MYO16: variants seen among roughly 807,000 people sequenced by gnomAD.
MYO16 encodes unconventional myosin-XVI.
A neutral mutation model predicts 205.3 loss-of-function variants in MYO16; 94 were observed. The ratio of observed to expected loss-of-function variants is 0.46; its 90% CI spans 0.39 to 0.54. The LOEUF (loss-of-function observed/expected upper bound fraction) is 0.54. Among genes scored for constraint, MYO16 ranks in the 20% least tolerant of loss-of-function variants. The probability of loss-of-function intolerance (pLI) is 0.00; values close to 1 mark genes in which losing one functional copy is unlikely to be tolerated. For synonymous variants in MYO16, 988 were observed against 954.0 expected, an observed-to-expected ratio of 1.04 and a Z score of -0.66; for missense variants, 2,315 against 2,387.5, an observed-to-expected ratio of 0.97 and a Z score of 0.63.
At chr13:109,134,458 CAG>C (rs1327322848) in intron 31 of MYO16, among the ~76,000 whole-genome samples, 2 of 152,180 alleles carry the variant, frequency 1.3e-5, no homozygotes, top group African/African-American at 4.8e-5. Context: ...TGGGTGTCAA[CAG>C]AGATCACTGG....
At chr13:108,752,436 C>A (rs189514367) in intron 4 of MYO16, among the ~76,000 whole-genome samples, 351 of 152,226 alleles carry the variant, frequency 2.3e-3, no homozygotes, top group African/African-American at 8.3e-3. Flanking sequence ...TTTCATGAAG[C>A]AGCTATAAAG....
At chr13:109,019,230 G>A (rs924068246) in intron 22 of MYO16, among the ~76,000 whole-genome samples, 3 of 152,188 alleles carry the variant, frequency 2.0e-5, no homozygotes, top group Non-Finnish European at 2.9e-5. Context: ...TGGCTGCGTT[G>A]GCCTCCCAAA....
chr13:108,968,453 T>C (rs1883882884), intron 20 of MYO16, among the ~76,000 whole-genome samples: 1 of 151,716 alleles, frequency 6.6e-6, no homozygotes, highest in Non-Finnish European at 1.5e-5. Context: ...CTACTAAAAA[T>C]ACAAAATACA....
Position 109,205,892 on chromosome 13 carries a change from C to T in MYO16, c.5416-717C>T, listed in dbSNP as rs1251934438. Among the ~76,000 whole-genome samples the T allele has an allele frequency of 2.0e-5, 3 of 152,214 alleles. No individual in the cohort carries two copies. In the East Asian group the frequency reaches 5.8e-4, roughly 29 times the overall value. ...TGAGAGTACACAGTTGCTAATTTAG[C>T]TCATTGCTTTGTCTCACTGCCACCA... On this transcript the variant is annotated intron_variant, in intron 34 of 34. Transcript: ENST00000457511.
chr13:108,969,222 A>G (rs941039772), intron 20 of MYO16, among the ~76,000 whole-genome samples: 5 of 152,222 alleles, frequency 3.3e-5, no homozygotes, highest in African/African-American at 1.2e-4. Context: ...TAAATTGATC[A>G]CATTTAGCAA....
intron 22 of MYO16, among the ~76,000 whole-genome samples, chr13:109,016,302 A>G (rs1051172378): frequency 3.9e-5 from 6 of 152,080 alleles, no homozygotes; most frequent in African/African-American, 1.4e-4. Flanking sequence ...CTGAGTTCTA[A>G]TTTGATTGTA....
At chr13:109,139,249 A>T (rs979646464) in intron 31 of MYO16, among the ~76,000 whole-genome samples, 1 of 152,184 alleles carries the variant, frequency 6.6e-6, no homozygotes. Flanking sequence ...CACTGCACCC[A>T]GCCCATTTCA....
intron 20 of MYO16, among the ~76,000 whole-genome samples, chr13:108,970,848 A>G (rs1408517339): frequency 6.6e-6 from 1 of 152,180 alleles, no homozygotes. Flanking sequence ...CACTTTCCCA[A>G]GTGTGCCTCT....
chr13:108,534,022 A>G, the MYO16 span, among the ~76,000 whole-genome samples: 1 of 152,170 alleles, frequency 6.6e-6, no homozygotes, highest in Non-Finnish European at 1.5e-5. Context: ...TATTACTGGA[A>G]GTGTTACAAC....
chr13:109,111,373 A>G (rs1360553376), intron 28 of MYO16, among the ~76,000 whole-genome samples: 1 of 152,198 alleles, frequency 6.6e-6, no homozygotes, highest in African/African-American at 2.4e-5. Flanking sequence ...CACCATCAAT[A>G]AAGCTATTCT....
chr13:108,888,327 G>A (rs937978950), intron 13 of MYO16, 45 bp from the exon 14 acceptor site: 1 of 1,384,232 alleles, frequency 7.2e-7, no homozygotes. Flanking sequence ...AAGCTTTGAA[G>A]CAAAGTTCCT....
intron 7 of MYO16, among the ~76,000 whole-genome samples, chr13:108,812,045 G>T (rs1887309760): frequency 6.6e-6 from 1 of 152,170 alleles, no homozygotes; most frequent in African/African-American, 2.4e-5. Context: ...TGAGGTTAAA[G>T]CTATACTGAA....
chr13:108,675,516 C>A (rs1206870737), intron 2 of MYO16, among the ~76,000 whole-genome samples: 1 of 152,028 alleles, frequency 6.6e-6, no homozygotes, highest in African/African-American at 2.4e-5. Flanking sequence ...TTTTAATTGT[C>A]TGCTATATAG....
chr13:108,755,591 A>C (rs1182925385), intron 4 of MYO16, among the ~76,000 whole-genome samples: 1 of 152,000 alleles, frequency 6.6e-6, no homozygotes, highest in Non-Finnish European at 1.5e-5. Context: ...CCTAAAAAAT[A>C]TAATTATTTT....
intron 19 of MYO16, among the ~76,000 whole-genome samples, chr13:108,963,642 A>T (rs770401016): frequency 6.6e-6 from 1 of 152,200 alleles, no homozygotes; most frequent in African/African-American, 2.4e-5. Context: ...TCTTTCAAAG[A>T]TACACCAGCT....
chr13:108,952,889 C>A (rs151200769), intron 16 of MYO16, among the ~76,000 whole-genome samples: 3 of 151,964 alleles, frequency 2.0e-5, no homozygotes, highest in African/African-American at 7.2e-5. Context: ...GGTATGAACG[C>A]TAGAGGTTAT....
Position 109,141,610 on chromosome 13 carries a change from A to G in MYO16, c.5164+234A>G, listed in dbSNP as rs940574829. Among the ~76,000 whole-genome samples, 2 of 152,258 alleles carry G rather than the reference A, an allele frequency of 1.3e-5. No individual in the cohort carries two copies. The highest frequency in any genetic ancestry group is 4.8e-5 in the African/African-American group (2 of 41,462). On this transcript the variant is annotated intron_variant, in intron 32 of 34. Transcript: ENST00000457511. The surrounding 1 kb of genome is among the most constrained non-coding windows in gnomAD (Gnocchi z 4.1). ...GATAGGAAAGGCTCGTGATATAGAA[A>G]GACGCAGACCGCAACTGGATTTAAT...
chr13:108,745,445 CAG>C (rs1251883664), intron 4 of MYO16, among the ~76,000 whole-genome samples: 3 of 152,066 alleles, frequency 2.0e-5, no homozygotes, highest in African/African-American at 7.2e-5. Context: ...ATCCATAAAA[CAG>C]ATGTTTTGCA....
chr13:108,981,832 A>G (rs188568129), intron 20 of MYO16, among the ~76,000 whole-genome samples: 73 of 152,248 alleles, frequency 4.8e-4, no homozygotes, highest in African/African-American at 1.7e-3. Context: ...TGTTACTTGG[A>G]ACCACACATT....
Sources: gnomAD v4.1 joint callset for allele counts (sites outside exome capture counted in the v4.1 genomes callset) on GRCh38, gnomAD v4.1.1 for gene constraint, Gnocchi (gnomAD v3.1) non-coding constraint, MANE v1.5 for transcripts, NCBI Gene and HGNC (gene_info 2026-07-23, HGNC 2026-07-21) for gene names.